The following SDK2 variants were observed in gnomAD, a reference collection of about 807,000 sequenced individuals.
SDK2 encodes protein sidekick-2.
In SDK2, 105 loss-of-function variants were observed where a neutral mutation model predicts 253.9. The ratio of observed to expected loss-of-function variants is 0.41; its 90% CI spans 0.35 to 0.49. SDK2 has a LOEUF of 0.49. Among genes scored for constraint, SDK2 ranks in the 20% least tolerant of loss-of-function variants. SDK2 has a pLI of 0.06. For missense variants in SDK2, 2,608 were observed against 3,003.0 expected, an observed-to-expected ratio of 0.87 and a Z score of 3.07; for synonymous variants, 1,249 against 1,234.9, an observed-to-expected ratio of 1.01 and a Z score of -0.24.
rs891472798 is a variant in SDK2 at position 73,567,831 on chromosome 17, C to T, written c.65-60234G>A. 2.6e-5 allele frequency among the ~76,000 whole-genome samples: 4 copies of T among 152,368 alleles called. No homozygotes were observed. The East Asian group carries it at 7.7e-4, about 29-fold the overall frequency. On this transcript the variant is annotated intron_variant, in intron 1 of 44. Transcript: ENST00000392650. The stretch of plus-strand genomic sequence containing the variant: ...TGAAATGAAAATGTTTACCTCATGC[C>T]TGTACCACCATTGTATCTTGAAAGT...
At chr17:73,343,604 A>C (rs2062458117) in intron 44 of SDK2, among the ~76,000 whole-genome samples, 1 of 152,162 alleles carries the variant, frequency 6.6e-6, no homozygotes, top group South Asian at 2.1e-4. Context: ...GTCTCTTAAC[A>C]GCTCCTCAAA....
chr17:73,526,563 G>A, intron 1 of SDK2, among the ~76,000 whole-genome samples: 1 of 152,164 alleles, frequency 6.6e-6, no homozygotes, highest in East Asian at 1.9e-4. Context: ...TTATGCCTAG[G>A]TGCTTGGATG....
At position 73,390,449 on chromosome 17, in the gene SDK2, T is replaced by C; in HGVS notation, c.4030A>G (p.Thr1344Ala). ...ACCTCCACAGTGGCGGTGTTGGCCG[T>C]GGTGGTGTTGAGCCGGTGTGTGATC... ...YQITHRLNTT[T>A]ANTATVEVLA... The change falls in exon 29 of 45, where the codon ACG (threonine) becomes GCG (alanine). Residue 1344 changes from threonine to alanine, a missense_variant. Transcript: ENST00000392650. The C allele has an allele frequency of 1.2e-6, 2 of 1,612,452 alleles. No homozygotes were observed. The highest frequency in any genetic ancestry group is 1.7e-6 in the Non-Finnish European group (2 of 1,179,274).
chr17:73,501,242 G>GCACACACA (rs34715004), intron 2 of SDK2, among the ~76,000 whole-genome samples: 19,513 of 150,758 alleles, frequency 0.13, 1,341 homozygotes, highest in East Asian at 0.22. Flanking sequence ...GCATGTGCAT[G>GCACACACA]CACACACACA....
chr17:73,447,491 G>C lies in SDK2; in HGVS notation c.613+124C>G. On this transcript the variant is annotated intron_variant, in intron 5 of 44. Coordinates refer to ENST00000392650, the MANE Select transcript of SDK2 (RefSeq NM_001144952.2). The surrounding 1 kb of genome is among the most constrained non-coding windows in gnomAD (Gnocchi z 4.0). ...CGTCCTCCTTGGGAAGGCTCCCCCC[G>C]GCCGTCCCCTAGCTTCCCTGTCCCC... 7 of 1,378,080 alleles carry C rather than the reference G, an allele frequency of 5.1e-6. No homozygotes were observed. Among genetic ancestry groups the C allele is most frequent in the Non-Finnish European group, 5.0e-6 (5 of 1,008,232 alleles). The allele number at this position is 1,378,080 out of a possible 1,614,324, so 85.4% of individuals were successfully genotyped here.
At chr17:73,601,569 A>G (rs1356052413) in intron 1 of SDK2, among the ~76,000 whole-genome samples, 1 of 152,158 alleles carries the variant, frequency 6.6e-6, no homozygotes, top group Non-Finnish European at 1.5e-5. Context: ...GATAGGGCCG[A>G]GGGACAACGG....
rs141613821 is a variant in SDK2 at position 73,475,381 on chromosome 17, A to G, written c.225-3163T>C. On this transcript the variant is annotated intron_variant, in intron 2 of 44. Coordinates refer to ENST00000392650, the MANE Select transcript of SDK2 (RefSeq NM_001144952.2). ...TGGCCAGGCTGGTCTCGAACTCCTG[A>G]CCTCAGGTGATCCACCCACCTCGGC... Among the ~76,000 whole-genome samples, 772 of 152,132 alleles carry G rather than the reference A, an allele frequency of 5.1e-3. 6 individuals are homozygous for G. The highest frequency in any genetic ancestry group is 0.018 in the African/African-American group (743 of 41,520).
chr17:73,546,578 G>A lies in SDK2; in HGVS notation c.65-38981C>T, dbSNP rs544788573. Reference sequence around the variant, plus strand: ...TCTGGCTGACCAGAGGGAGCAAGGTGTCTGGGCAAGGTCCCTCTCAGGCCT... The same window carrying A: ...TCTGGCTGACCAGAGGGAGCAAGGTATCTGGGCAAGGTCCCTCTCAGGCCT... On this transcript the variant is annotated intron_variant, in intron 1 of 44. Coordinates refer to ENST00000392650, the MANE Select transcript of SDK2 (RefSeq NM_001144952.2). 8.5e-5 allele frequency among the ~76,000 whole-genome samples: 13 copies of A among 152,320 alleles called. No individual in the cohort carries two copies. In the South Asian group the frequency reaches 1.7e-3, roughly 19 times the overall value.
At chr17:73,628,984 C>T (rs989209701) in intron 1 of SDK2, among the ~76,000 whole-genome samples, 5 of 152,170 alleles carry the variant, frequency 3.3e-5, no homozygotes, top group Non-Finnish European at 5.9e-5. Flanking sequence ...AGCTCTCCCA[C>T]CTCCCAATTC....
chr17:73,390,530 C>T, intron 28 of SDK2, 49 bp from the exon 29 acceptor site: 1 of 1,542,844 alleles, frequency 6.5e-7, no homozygotes, highest in Non-Finnish European at 8.8e-7. Context: ...GCAAGCCGCT[C>T]CTAGGGCCCC....
intron 21 of SDK2, among the ~76,000 whole-genome samples, chr17:73,399,968 T>G (rs2063008878): frequency 6.6e-6 from 1 of 152,188 alleles, no homozygotes; most frequent in Admixed American, 6.5e-5. Context: ...TTGTGAGGAT[T>G]AAATGAGTCA....
chr17:73,415,740 T>C (rs2063174981), intron 17 of SDK2, 71 bp downstream of exon 17: 3 of 1,357,206 alleles, frequency 2.2e-6, no homozygotes, highest in South Asian at 2.7e-5. Flanking sequence ...CCTCCCGTCT[T>C]GGCGTCCCAA....
In SDK2 at chr17:73,618,012, C is replaced by T. The variant is rs888835289; in HGVS notation, c.64+26013G>A. Among the ~76,000 whole-genome samples, 2 of 152,160 alleles carry T rather than the reference C, an allele frequency of 1.3e-5. No homozygotes were observed. The highest frequency in any genetic ancestry group is 6.5e-5 in the Admixed American group (1 of 15,280). On this transcript the variant is annotated intron_variant, in intron 1 of 44. Coordinates refer to ENST00000392650, the MANE Select transcript of SDK2 (RefSeq NM_001144952.2). This position sits in a 1 kb window ranked among gnomAD's most constrained non-coding sequence, Gnocchi z 4.1. ...CTGTCTGACGAGTTAACCACTAGAC[C>T]GAACCCACCAGGCCAAGGAGCCAGG...
chr17:73,370,669 C>G (rs903656163), intron 36 of SDK2, among the ~76,000 whole-genome samples: 1 of 152,104 alleles, frequency 6.6e-6, no homozygotes, highest in African/African-American at 2.4e-5. Context: ...GCAATCCTCC[C>G]GCCTCAGCCC....
At chr17:73,549,038 G>A (rs557224556) in intron 1 of SDK2, among the ~76,000 whole-genome samples, 11 of 152,346 alleles carry the variant, frequency 7.2e-5, no homozygotes, top group Non-Finnish European at 1.0e-4. Flanking sequence ...TCCAAATGAC[G>A]CCATCAGCCT....
At chr17:73,471,998 C>T in intron 3 of SDK2, 114 bp downstream of exon 3, 1 of 751,994 alleles carries the variant, frequency 1.3e-6, no homozygotes, top group Non-Finnish European at 2.2e-6. Context: ...ACCATGGGCA[C>T]TCAGTGGGTG....
intron 1 of SDK2, among the ~76,000 whole-genome samples, chr17:73,588,200 C>A (rs372655642): frequency 2.9e-5 from 3 of 105,242 alleles, no homozygotes; most frequent in Non-Finnish European, 6.2e-5. Flanking sequence ...TGGAGAGACC[C>A]CCCCCCCTCC....
chr17:73,641,959 A>G (rs1057418661), intron 1 of SDK2, among the ~76,000 whole-genome samples: 1 of 152,178 alleles, frequency 6.6e-6, no homozygotes, highest in Non-Finnish European at 1.5e-5. Context: ...TCGATGCTGG[A>G]AAACACTCTC....
intron 1 of SDK2, among the ~76,000 whole-genome samples, chr17:73,528,641 C>T (rs2064145185): frequency 6.6e-6 from 1 of 152,186 alleles, no homozygotes; most frequent in African/African-American, 2.4e-5. Flanking sequence ...CACTGTGATC[C>T]CCTAAGCCAG....
Sources: gnomAD v4.1 joint callset for allele counts (sites outside exome capture counted in the v4.1 genomes callset) on GRCh38, gnomAD v4.1.1 for gene constraint, Gnocchi (gnomAD v3.1) non-coding constraint, MANE v1.5 for transcripts, NCBI Gene and HGNC (gene_info 2026-07-23, HGNC 2026-07-21) for gene names.